Variants in SCARB2 observed in about 807,000 individuals in gnomAD.
SCARB2 encodes the protein scavenger receptor class B member 2.
A neutral mutation model predicts 58.6 loss-of-function variants in SCARB2; 29 were observed. That is an observed-to-expected ratio of 0.49 (90% CI 0.37 to 0.67). SCARB2 has a LOEUF of 0.67. SCARB2 is among the 30% of genes least tolerant of loss of function. The pLI, the probability that SCARB2 is intolerant of heterozygous loss-of-function variation, is 0.00. For missense variants in SCARB2, 488 were observed against 578.5 expected, an observed-to-expected ratio of 0.84 and a Z score of 1.60; for synonymous variants, 195 against 210.1, an observed-to-expected ratio of 0.93 and a Z score of 0.62.
chr4:76,230,350 T>C (rs1166982206), intron 1 of SCARB2, among the ~76,000 whole-genome samples: 1 of 152,088 alleles, frequency 6.6e-6, no homozygotes, highest in Non-Finnish European at 1.5e-5. Flanking sequence ...GTGAGGCTGG[T>C]CTTGCTCGCT....
At chr4:76,210,801 C>A (rs1733028735) in intron 1 of SCARB2, among the ~76,000 whole-genome samples, 1 of 152,178 alleles carries the variant, frequency 6.6e-6, no homozygotes, top group Non-Finnish European at 1.5e-5. Flanking sequence ...CTGCAGGGTT[C>A]AAGGACAATT....
At chr4:76,193,987 G>A (rs1732656419) in intron 2 of SCARB2, 2 of 152,212 alleles carry the variant, frequency 1.3e-5, no homozygotes, top group African/African-American at 4.8e-5. Flanking sequence ...GGAGCTGTTT[G>A]GGTCATAGGG....
Position 76,213,578 on chromosome 4 carries a change from C to G in SCARB2, c.-35G>C. ...CGCTCACGGGCCGGGCCGGGCCGCACCCGCCAGGGATCCAACTGCAAGGAG... is the reference window on the plus strand; with the variant it reads ...CGCTCACGGGCCGGGCCGGGCCGCAGCCGCCAGGGATCCAACTGCAAGGAG... On this transcript the variant is annotated 5_prime_UTR_variant, in exon 1 of 12. Coordinates refer to ENST00000264896, the MANE Select transcript of SCARB2 (RefSeq NM_005506.4). 6.4e-7 allele frequency: 1 copy of G among 1,567,268 alleles called. No individual in the cohort carries two copies. The highest frequency in any genetic ancestry group is 8.8e-7 in the Non-Finnish European group (1 of 1,142,388).
chr4:76,181,029 G>C lies in SCARB2; in HGVS notation c.348C>G (p.Ala116=). ...GTTISAVSNK[A]YVFERDQSVG... ...CAGATTGGTCTCGTTCAAAAACATAGGCCTTGTTGCTAACAGCAGATATTG... is the reference window on the plus strand; with the variant it reads ...CAGATTGGTCTCGTTCAAAAACATACGCCTTGTTGCTAACAGCAGATATTG... Residue 116 remains alanine, a synonymous_variant, in exon 3 of 12, where the codon GCC becomes GCG. Coordinates refer to ENST00000264896, the MANE Select transcript of SCARB2 (RefSeq NM_005506.4). The C allele has an allele frequency of 1.9e-6, 3 of 1,613,664 alleles. No homozygotes were observed. The highest frequency in any genetic ancestry group is 2.5e-6 in the Non-Finnish European group (3 of 1,179,802).
At chr4:76,226,754 T>A (rs895755874) in intron 1 of SCARB2, among the ~76,000 whole-genome samples, 2 of 152,156 alleles carry the variant, frequency 1.3e-5, no homozygotes, top group African/African-American at 4.8e-5. Flanking sequence ...TAATCAGGAG[T>A]GTTGTATATT....
chr4:76,192,692 A>AG (rs1732631642), intron 2 of SCARB2: 1 of 152,184 alleles, frequency 6.6e-6, no homozygotes, highest in Admixed American at 6.5e-5. Context: ...AAAAAAAAAA[A>AG]AAGTTAAAAA....
At chr4:76,163,605 G>A in intron 10 of SCARB2, 1 of 584,310 alleles carries the variant, frequency 1.7e-6, no homozygotes, top group East Asian at 2.9e-5. Flanking sequence ...AAAATAGATT[G>A]GAAAAAGGAG....
At chr4:76,181,371 C>G (rs1732381025) in intron 2 of SCARB2, among the ~76,000 whole-genome samples, 1 of 152,146 alleles carries the variant, frequency 6.6e-6, no homozygotes, top group Non-Finnish European at 1.5e-5. Flanking sequence ...GTCACCTTGA[C>G]CGGGAATCAA....
intron 3 of SCARB2, 41 bp downstream of exon 3, chr4:76,180,913 C>T: frequency 6.4e-7 from 1 of 1,571,368 alleles, no homozygotes; most frequent in Non-Finnish European, 8.7e-7. Flanking sequence ...TTTTTCCTTT[C>T]TTCCAAAATC....
intron 2 of SCARB2, among the ~76,000 whole-genome samples, chr4:76,186,819 C>T (rs1312537619): frequency 2.0e-5 from 3 of 151,840 alleles, no homozygotes; most frequent in African/African-American, 7.3e-5. Context: ...TACTTCTGAG[C>T]AGTTTAAGGA....
At chr4:76,230,929 C>T (rs1321152465) in intron 1 of SCARB2, among the ~76,000 whole-genome samples, 2 of 152,204 alleles carry the variant, frequency 1.3e-5, no homozygotes, top group Non-Finnish European at 2.9e-5. Flanking sequence ...CAGCCACGAT[C>T]ACCTGTGCTG....
intron 4 of SCARB2, chr4:76,176,933 A>AT: frequency 6.2e-6 from 1 of 161,888 alleles, no homozygotes; most frequent in Non-Finnish European, 1.3e-5. Context: ...CCATAATCAC[A>AT]TAAGCCAATT....
chr4:76,196,560 C>T (rs1477829622), intron 1 of SCARB2, among the ~76,000 whole-genome samples: 2 of 152,104 alleles, frequency 1.3e-5, no homozygotes, highest in Non-Finnish European at 2.9e-5. Flanking sequence ...ACCATACACT[C>T]CCAGTTTGCC....
chr4:76,179,355 C>T (rs769593084), intron 4 of SCARB2, 162 bp downstream of exon 4: 35 of 641,246 alleles, frequency 5.5e-5, no homozygotes, highest in Middle Eastern at 4.2e-4. Flanking sequence ...CACCCGGCCT[C>T]AAGTTTTTTT....
At chr4:76,214,293 T>C (rs551025314), upstream of SCARB2, 545 of 456,202 alleles carry the variant, frequency 1.2e-3, 11 homozygotes, top group South Asian at 8.2e-3. Context: ...AAGCATGTTC[T>C]GCCTGGATGA....
At chr4:76,189,577 G>A (rs1732559562) in intron 2 of SCARB2, among the ~76,000 whole-genome samples, 1 of 152,046 alleles carries the variant, frequency 6.6e-6, no homozygotes, top group Non-Finnish European at 1.5e-5. Context: ...CTGCCTCCGG[G>A]GTTCAAGTGA....
chr4:76,211,351 C>T (rs1292643203), intron 1 of SCARB2, among the ~76,000 whole-genome samples: 1 of 103,970 alleles, frequency 9.6e-6, no homozygotes, highest in Non-Finnish European at 1.8e-5. Context: ...AAATTGAGGA[C>T]CAAGTAAGTT....
chr4:76,215,424 T>C (rs1553951382), upstream of SCARB2, among the ~76,000 whole-genome samples: 1 of 152,204 alleles, frequency 6.6e-6, no homozygotes, highest in Non-Finnish European at 1.5e-5. Flanking sequence ...CTGTCACTAA[T>C]GAGAATCTGA....
chr4:76,222,562 G>A (rs950799685), intron 1 of SCARB2, among the ~76,000 whole-genome samples: 6 of 152,102 alleles, frequency 3.9e-5, no homozygotes, highest in East Asian at 1.9e-4. Context: ...TTAACTCTCC[G>A]CTGCCTCCAC....
Sources: allele counts gnomAD v4.1 joint callset (sites outside exome capture counted in the v4.1 genomes callset), GRCh38; gene constraint gnomAD v4.1.1; transcripts MANE v1.5; gene names NCBI Gene and HGNC (gene_info 2026-07-23, HGNC 2026-07-21).